The following FNBP1L variants were observed in gnomAD, a reference collection of about 807,000 sequenced individuals.
The protein encoded by FNBP1L is formin-binding protein 1-like.
FNBP1L carries 36 observed loss-of-function variants against 91.2 expected under a neutral mutation model. The ratio of observed to expected loss-of-function variants is 0.39; its 90% CI spans 0.30 to 0.52. The LOEUF (loss-of-function observed/expected upper bound fraction) is 0.52, where lower values mean the gene tolerates loss of function less well. Among genes scored for constraint, FNBP1L ranks in the 20% least tolerant of loss-of-function variants. The pLI, the probability that FNBP1L is intolerant of heterozygous loss-of-function variation, is 0.66. For missense variants in FNBP1L, 571 were observed against 732.1 expected, an observed-to-expected ratio of 0.78 and a Z score of 2.54; for synonymous variants, 242 against 237.0, an observed-to-expected ratio of 1.02 and a Z score of -0.19.
intron 1 of FNBP1L, among the ~76,000 whole-genome samples, chr1:93,448,651 C>T (rs938943033): frequency 3.9e-5 from 6 of 152,182 alleles, no homozygotes; most frequent in Admixed American, 2.0e-4. Flanking sequence ...GGCTTCGCGC[C>T]CGGCGGCTCC....
chr1:93,489,011 T>C (rs1670007443), intron 1 of FNBP1L, among the ~76,000 whole-genome samples: 1 of 152,184 alleles, frequency 6.6e-6, no homozygotes, highest in South Asian at 2.1e-4. Flanking sequence ...GCTAGGATAA[T>C]GAAGTAGTGA....
At chr1:93,503,214 A>G (rs1420782681) in intron 2 of FNBP1L, among the ~76,000 whole-genome samples, 2 of 152,148 alleles carry the variant, frequency 1.3e-5, no homozygotes, top group East Asian at 1.9e-4. Flanking sequence ...ACTTATAATC[A>G]TGGTGGAAGG....
chr1:93,531,814 G>C lies in FNBP1L; in HGVS notation c.639+931G>C, dbSNP rs140961482. The stretch of plus-strand genomic sequence containing the variant: ...TTGGACCTTTCTATGGAGCAATTCT[G>C]TGAAAATGCAGGTCTCAAAGTCCCA... On this transcript the variant is annotated intron_variant, in intron 7 of 16. Transcript: ENST00000271234. 3.4e-3 allele frequency among the ~76,000 whole-genome samples: 512 copies of C among 152,276 alleles called. 3 individuals carry two copies. Among genetic ancestry groups the C allele is most frequent in the Non-Finnish European group, 5.5e-3 (373 of 68,020 alleles).
chr1:93,525,152 CTT>C (rs1671454808), intron 5 of FNBP1L, among the ~76,000 whole-genome samples: 1 of 151,356 alleles, frequency 6.6e-6, no homozygotes, highest in Non-Finnish European at 1.5e-5. Flanking sequence ...ACAGTTTACT[CTT>C]TACTAGCATA....
chr1:93,548,150 A>C (rs1369895628), intron 14 of FNBP1L, among the ~76,000 whole-genome samples: 2 of 152,190 alleles, frequency 1.3e-5, no homozygotes, highest in African/African-American at 4.8e-5. Context: ...TGGTAATAGT[A>C]GTATCACTTC....
At chr1:93,542,991 C>T (rs968670490) in intron 11 of FNBP1L, among the ~76,000 whole-genome samples, 5 of 151,728 alleles carry the variant, frequency 3.3e-5, no homozygotes, top group Admixed American at 1.3e-4. Context: ...TTCATCATGT[C>T]GGCCAGGCTC....
chr1:93,448,717 A>G (rs926862674), intron 1 of FNBP1L, among the ~76,000 whole-genome samples: 66 of 151,726 alleles, frequency 4.3e-4, no homozygotes, highest in African/African-American at 1.4e-3. Context: ...ATTGTCCCCA[A>G]GGGGCGCTGT....
intron 2 of FNBP1L, among the ~76,000 whole-genome samples, chr1:93,507,454 G>C (rs1010940523): frequency 6.6e-6 from 1 of 152,186 alleles, no homozygotes; most frequent in Middle Eastern, 3.4e-3. Context: ...TGAATGCTTT[G>C]CACTTACCTA....
intron 11 of FNBP1L, 126 bp from the exon 12 acceptor site, chr1:93,543,981 G>A: frequency 2.1e-6 from 1 of 481,680 alleles, no homozygotes; most frequent in Non-Finnish European, 3.5e-6. Flanking sequence ...TTTTTTTAAG[G>A]GGTTGCTTGA....
At chr1:93,463,664 A>G (rs956734584) in intron 1 of FNBP1L, among the ~76,000 whole-genome samples, 6 of 152,132 alleles carry the variant, frequency 3.9e-5, no homozygotes, top group African/African-American at 1.2e-4. Context: ...TTTCCAGTAT[A>G]TATGTATTGC....
rs560752271 is a variant in FNBP1L, at chr1:93,502,277, C to T, written c.140+2694C>T. 4.3e-4 allele frequency among the ~76,000 whole-genome samples: 65 copies of T among 152,252 alleles called. 1 individual carries two copies. The highest frequency in any genetic ancestry group is 1.4e-3 in the Admixed American group (21 of 15,294). ...GGGAAGGAACTTTTTATTTCATACACTTTTGAATTGTAGTCTTTTCAATGA... is the reference window on the plus strand; with the variant it reads ...GGGAAGGAACTTTTTATTTCATACATTTTTGAATTGTAGTCTTTTCAATGA... On this transcript the variant is annotated intron_variant, in intron 2 of 16. Transcript: ENST00000271234.
At chr1:93,452,846 G>A (rs1187158065) in intron 1 of FNBP1L, among the ~76,000 whole-genome samples, 2 of 152,316 alleles carry the variant, frequency 1.3e-5, no homozygotes, top group East Asian at 1.9e-4. Flanking sequence ...TAGGAATTCA[G>A]TTTTGTTTTA....
intron 2 of FNBP1L, among the ~76,000 whole-genome samples, chr1:93,520,183 CTT>C (rs768249917): frequency 6.6e-6 from 1 of 152,138 alleles, no homozygotes; most frequent in Non-Finnish European, 1.5e-5. Context: ...CATGGGTCCT[CTT>C]TTATTTATGA....
At chr1:93,532,556 A>G (rs1335222146) in intron 7 of FNBP1L, among the ~76,000 whole-genome samples, 2 of 149,162 alleles carry the variant, frequency 1.3e-5, no homozygotes, top group Non-Finnish European at 3.0e-5. Flanking sequence ...GAATTTTGTC[A>G]TCAAATGAAA....
intron 1 of FNBP1L, among the ~76,000 whole-genome samples, chr1:93,493,015 G>A (rs933973275): frequency 7.9e-5 from 12 of 152,242 alleles, no homozygotes; most frequent in African/African-American, 2.6e-4. Context: ...ATTTGAAATG[G>A]CACTTTGGGA....
rs1184882628 is a variant in FNBP1L at position 93,546,932 on chromosome 1, G to C, written c.1365G>C (p.Met455Ile). 6.2e-7 allele frequency: 1 copy of C among 1,612,768 alleles called. No individual in the cohort carries two copies. Among genetic ancestry groups the C allele is most frequent in the East Asian group, 2.2e-5 (1 of 44,836 alleles). ...TGCAGCCTAAATTAGCAGAGACCAT[G>C]AATAACATTGACCGCCTACGAATGG... The part of the protein sequence containing the change: ...GSLQPKLAET[M>I]NNIDRLRMEI... Residue 455 changes from methionine to isoleucine, a missense_variant, in exon 13 of 17, where the codon ATG (methionine) becomes ATC (isoleucine). Met to Ile is a conservative substitution (Grantham distance 10). This residue lies in a region of FNBP1L where 189 missense variants were observed against 219.7 expected (regional missense o/e 0.86). Coordinates refer to ENST00000271234, the MANE Select transcript of FNBP1L (RefSeq NM_001164473.3).
intron 2 of FNBP1L, among the ~76,000 whole-genome samples, chr1:93,518,591 G>A (rs1397228942): frequency 1.3e-5 from 2 of 152,134 alleles, no homozygotes; most frequent in Non-Finnish European, 1.5e-5. Context: ...AAGAAAAGAG[G>A]TATGTAAAAG....
At chr1:93,456,602 C>CAAAAAAAAAAAAAAAAAA (rs60167572) in intron 1 of FNBP1L, among the ~76,000 whole-genome samples, 3 of 53,374 alleles carry the variant, frequency 5.6e-5, no homozygotes, top group Admixed American at 2.0e-4. Flanking sequence ...CCTTCTCTAC[C>CAAAAAAAAAAAAAAAAAA]AAAAAAAAAA....
intron 9 of FNBP1L, 79 bp downstream of exon 9, chr1:93,534,987 A>G (rs1671798311): frequency 3.6e-6 from 4 of 1,111,324 alleles, no homozygotes; most frequent in Non-Finnish European, 5.2e-6. Flanking sequence ...ATGCAAAATG[A>G]TTTACCATTA....
Sources: gnomAD v4.1 joint callset for allele counts (sites outside exome capture counted in the v4.1 genomes callset) on GRCh38, gnomAD v4.1.1 for gene constraint, gnomAD v4.1.1 regional missense constraint, MANE v1.5 for transcripts, NCBI Gene and HGNC (gene_info 2026-07-23, HGNC 2026-07-21) for gene names.